Variants in NR6A1 observed in about 807,000 individuals in gnomAD.
NR6A1 encodes nuclear receptor subfamily 6 group A member 1.
A neutral mutation model predicts 59.1 loss-of-function variants in NR6A1; 7 were observed. The observed-to-expected ratio is 0.12, with a 90% confidence interval of 0.07 to 0.22. The LOEUF is 0.22. Among genes scored for constraint, NR6A1 ranks in the 10% least tolerant of loss-of-function variants. NR6A1 has a pLI of 1.00. For missense variants in NR6A1, 468 were observed against 611.6 expected, an observed-to-expected ratio of 0.77 and a Z score of 2.48; for synonymous variants, 243 against 236.1, an observed-to-expected ratio of 1.03 and a Z score of -0.27.
intron 1 of NR6A1, 99 bp from the exon 2 acceptor site, chr9:124,733,448 C>G: frequency 5.5e-6 from 5 of 916,394 alleles, no homozygotes; most frequent in Non-Finnish European, 8.9e-6. Flanking sequence ...AATCTATACT[C>G]AGAAGTCAAT....
chr9:124,675,782 C>G (rs1358951797), intron 2 of NR6A1, among the ~76,000 whole-genome samples: 1 of 152,166 alleles, frequency 6.6e-6, no homozygotes, highest in African/African-American at 2.4e-5. Flanking sequence ...TGGTACACTT[C>G]CAAATGAAAT....
At chr9:124,674,008 T>C (rs1468399065) in intron 2 of NR6A1, among the ~76,000 whole-genome samples, 1 of 152,212 alleles carries the variant, frequency 6.6e-6, no homozygotes, top group Admixed American at 6.5e-5. Flanking sequence ...TTCTTAGCTA[T>C]GTGACCCTCA....
chr9:124,592,494 GA>G (rs1288482225), intron 2 of NR6A1, among the ~76,000 whole-genome samples: 4 of 152,262 alleles, frequency 2.6e-5, no homozygotes, highest in African/African-American at 7.2e-5. Flanking sequence ...GATTAAATCA[GA>G]TTTTCTTCCT....
At chr9:124,543,917 C>T (rs1833519566) in intron 3 of NR6A1, 60 bp from the exon 4 acceptor site, 2 of 1,466,528 alleles carry the variant, frequency 1.4e-6, no homozygotes, top group Admixed American at 3.5e-5. Context: ...AGTCTTAGCA[C>T]AAAAAGAGAG....
chr9:124,644,917 G>T (rs1054517974), intron 2 of NR6A1, among the ~76,000 whole-genome samples: 1 of 152,162 alleles, frequency 6.6e-6, no homozygotes, highest in African/African-American at 2.4e-5. Flanking sequence ...TCATGAAACC[G>T]ATGTTCTCCA....
At chr9:124,750,420 T>G (rs572054478) in intron 1 of NR6A1, among the ~76,000 whole-genome samples, 2 of 152,270 alleles carry the variant, frequency 1.3e-5, no homozygotes, top group South Asian at 2.1e-4. Context: ...CAAATTGGCT[T>G]TGGACTTTGC....
rs1840388074 is a variant in NR6A1 at position 124,748,183 on chromosome 9, A to C, written c.101-14834T>G. Among the ~76,000 whole-genome samples the C allele has an allele frequency of 2.0e-5, 3 of 152,194 alleles. No homozygotes were observed. In the South Asian group the frequency reaches 6.2e-4, roughly 32 times the overall value. On this transcript the variant is annotated intron_variant, in intron 1 of 9. Transcript: ENST00000487099. ...GGCAAGATGCCTTGCTTCAGTATTA[A>C]TAAGCCATTTGTATAAGGCTAAGTG...
chr9:124,748,003 T>G (rs1676561748), intron 1 of NR6A1, among the ~76,000 whole-genome samples: 1 of 152,200 alleles, frequency 6.6e-6, no homozygotes, highest in Admixed American at 6.5e-5. Flanking sequence ...AAAAGCTACT[T>G]TTTGCAACCT....
chr9:124,548,682 C>A (rs1211264086), intron 3 of NR6A1, among the ~76,000 whole-genome samples: 1 of 152,138 alleles, frequency 6.6e-6, no homozygotes, highest in Non-Finnish European at 1.5e-5. Flanking sequence ...AGTGATATGG[C>A]GATGCCACAG....
chr9:124,585,471 G>C (rs1313240765), intron 2 of NR6A1, among the ~76,000 whole-genome samples: 1 of 148,142 alleles, frequency 6.8e-6, no homozygotes, highest in Non-Finnish European at 1.5e-5. Flanking sequence ...GTAAACCCAG[G>C]AGGCAAAGCT....
chr9:124,676,684 T>C (rs1258146315), intron 2 of NR6A1, among the ~76,000 whole-genome samples: 2 of 152,284 alleles, frequency 1.3e-5, no homozygotes, highest in Non-Finnish European at 2.9e-5. Context: ...CAATAAAGAA[T>C]CAGTTTATAG....
At chr9:124,767,228 AT>A (rs1424032365) in intron 1 of NR6A1, among the ~76,000 whole-genome samples, 3 of 152,154 alleles carry the variant, frequency 2.0e-5, no homozygotes, top group Non-Finnish European at 4.4e-5. Flanking sequence ...ACCAGCAGTT[AT>A]TTTTTTCATT....
chr9:124,709,555 G>A (rs986858900), intron 2 of NR6A1, among the ~76,000 whole-genome samples: 1 of 152,078 alleles, frequency 6.6e-6, no homozygotes, highest in Non-Finnish European at 1.5e-5. Context: ...ACTCCACATA[G>A]CCACAGAGAG....
intron 8 of NR6A1, among the ~76,000 whole-genome samples, chr9:124,525,326 A>C (rs1588635555): frequency 1.8e-5 from 1 of 56,914 alleles, no homozygotes. Context: ...CACACACAGC[A>C]CCCTCCTATG....
rs532645143 is a variant in NR6A1, at chr9:124,757,239, T to G, written c.100+13781A>C. Among the ~76,000 whole-genome samples the G allele has an allele frequency of 1.1e-3, 174 of 151,834 alleles. 1 individual carries two copies. Among genetic ancestry groups the G allele is most frequent in the African/African-American group, 3.8e-3 (158 of 41,380 alleles). On this transcript the variant is annotated intron_variant, in intron 1 of 9. Transcript: ENST00000487099. ...AATTATCCCCCAAAATAAGCCAAGA[T>G]AAAAGCAAGCACAAGATGGTGTGAG...
chr9:124,629,980 AT>A (rs1463243237), intron 2 of NR6A1, among the ~76,000 whole-genome samples: 2 of 152,220 alleles, frequency 1.3e-5, no homozygotes, highest in African/African-American at 4.8e-5. Context: ...TGAAATGAAC[AT>A]TTTGAGATAC....
chr9:124,664,098 T>A (rs1034708540), intron 2 of NR6A1, among the ~76,000 whole-genome samples: 3 of 152,178 alleles, frequency 2.0e-5, no homozygotes, highest in Admixed American at 6.5e-5. Context: ...AATCAAAGAT[T>A]TAAGAAGGAA....
At chr9:124,544,089 T>C (rs1833524027) in intron 3 of NR6A1, among the ~76,000 whole-genome samples, 1 of 152,254 alleles carries the variant, frequency 6.6e-6, no homozygotes, top group Admixed American at 6.5e-5. Context: ...ACACACACTG[T>C]ATACATTCAA....
intron 8 of NR6A1, 82 bp downstream of exon 8, chr9:124,526,697 A>C (rs1001357639): frequency 6.3e-7 from 1 of 1,575,846 alleles, no homozygotes; most frequent in African/African-American, 1.3e-5. Context: ...CCTGAGGGTA[A>C]GGAGGGGTGA....
Sources: gnomAD v4.1 joint callset for allele counts (sites outside exome capture counted in the v4.1 genomes callset) on GRCh38, gnomAD v4.1.1 for gene constraint, MANE v1.5 for transcripts, NCBI Gene and HGNC (gene_info 2026-07-23, HGNC 2026-07-21) for gene names.